MDN1: variants seen among roughly 807,000 people sequenced by gnomAD.
The protein encoded by MDN1 is midasin.
In MDN1, 266 loss-of-function variants were observed where a neutral mutation model predicts 669.2. The observed-to-expected ratio is 0.40, with a 90% confidence interval of 0.36 to 0.44. The LOEUF (loss-of-function observed/expected upper bound fraction) is 0.44. Among genes scored for constraint, MDN1 ranks in the 20% least tolerant of loss-of-function variants. The pLI is 1.00. For missense variants in MDN1, 5,940 were observed against 6,754.0 expected (o/e 0.88, Z 4.22); for synonymous variants, 2,385 against 2,457.1 (o/e 0.97, Z 0.87).
rs893247305 is a variant in MDN1 at position 89,674,184 on chromosome 6, C to T, written c.13167G>A (p.Glu4389=). The part of the protein sequence containing the change: ...LWQQSTTRLT[E]MLKTIKTVKA... ...TCACTGTTTTAATGGTTTTTAGCAT[C>T]TCTGTTAATCTCGTAGTTGACTGTT... Residue 4389 remains glutamate, a synonymous_variant, in exon 79 of 102, where the codon GAG becomes GAA. Transcript: ENST00000369393. 1 of 1,614,092 alleles carries T rather than the reference C, an allele frequency of 6.2e-7. No individual in the cohort carries two copies. Among genetic ancestry groups the T allele is most frequent in the African/African-American group, 1.3e-5 (1 of 74,922 alleles).
intron 50 of MDN1, 138 bp from the exon 51 acceptor site, chr6:89,708,766 C>A (rs1813688420): frequency 1.1e-6 from 1 of 892,046 alleles, no homozygotes; most frequent in Admixed American, 2.3e-5. Flanking sequence ...CCAGTAAATA[C>A]CATGAGTTTC....
intron 11 of MDN1, among the ~76,000 whole-genome samples, chr6:89,779,058 A>G (rs1818510151): frequency 6.6e-6 from 1 of 151,990 alleles, no homozygotes; most frequent in African/African-American, 2.4e-5. Flanking sequence ...CAGGTTATTT[A>G]TAATACCTAA....
chr6:89,791,651 T>C (rs1819275211), intron 5 of MDN1, among the ~76,000 whole-genome samples: 2 of 152,118 alleles, frequency 1.3e-5, no homozygotes, highest in African/African-American at 4.8e-5. Flanking sequence ...GTAAGTTTAA[T>C]GAGAAAGAAT....
At chr6:89,703,369 A>AGGGG (rs113306279) in intron 53 of MDN1, among the ~76,000 whole-genome samples, 1 of 136,032 alleles carries the variant, frequency 7.4e-6, no homozygotes, top group Admixed American at 7.4e-5. Context: ...TGTATGGGGA[A>AGGGG]GGGGGGGGGG....
At chr6:89,675,133 T>A (rs896108756) in intron 78 of MDN1, among the ~76,000 whole-genome samples, 1 of 152,230 alleles carries the variant, frequency 6.6e-6, no homozygotes, top group African/African-American at 2.4e-5. Context: ...AGCCTAACTA[T>A]TGGCCCACAT....
chr6:89,684,606 T>C (rs1811877706), intron 71 of MDN1, among the ~76,000 whole-genome samples: 1 of 152,128 alleles, frequency 6.6e-6, no homozygotes, highest in Admixed American at 6.5e-5. Flanking sequence ...GAGACAGGCC[T>C]GGGCAAGACC....
chr6:89,734,691 A>AACGAGAGAGAGAGAGAGAGAGAG (rs1554188774), intron 33 of MDN1, among the ~76,000 whole-genome samples: 1 of 112,996 alleles, frequency 8.8e-6, no homozygotes, highest in East Asian at 3.4e-4. Flanking sequence ...AAAAAAAAAC[A>AACGAGAGAGAGAGAGAGAGAGAG]AGAGAGAGAG....
chr6:89,683,064 T>C (rs1359145559), intron 73 of MDN1, 68 bp downstream of exon 73: 1 of 1,503,548 alleles, frequency 6.7e-7, no homozygotes, highest in Non-Finnish European at 9.2e-7. Flanking sequence ...AGGCATGCCT[T>C]GCACATAAAA....
At chr6:89,665,599 C>G (rs186942604) in intron 84 of MDN1, among the ~76,000 whole-genome samples, 1 of 146,784 alleles carries the variant, frequency 6.8e-6, no homozygotes, top group Non-Finnish European at 1.5e-5. Flanking sequence ...CCCAGCTACT[C>G]GGGAGGCTGA....
chr6:89,698,720 C>G, intron 59 of MDN1, 145 bp downstream of exon 59: 2 of 764,256 alleles, frequency 2.6e-6, no homozygotes, highest in Non-Finnish European at 4.3e-6. Flanking sequence ...TGACAGTACA[C>G]TTATTTAACA....
chr6:89,815,348 CG>C (rs2128332923), intron 1 of MDN1: 1 of 466,644 alleles, frequency 2.1e-6, no homozygotes, highest in Non-Finnish European at 4.2e-6. Flanking sequence ...GCCATTATGG[CG>C]GAAGAGAGTG....
chr6:89,749,898 G>A (rs1816858847), intron 24 of MDN1, 147 bp from the exon 25 acceptor site: 1 of 658,064 alleles, frequency 1.5e-6, no homozygotes, highest in African/African-American at 1.8e-5. Flanking sequence ...AACAAATTAT[G>A]ACACTGCAGA....
chr6:89,747,203 A>C, intron 27 of MDN1, 126 bp downstream of exon 27: 1 of 1,103,716 alleles, frequency 9.1e-7, no homozygotes, highest in Non-Finnish European at 1.3e-6. Context: ...AACTGGAGGG[A>C]AACAGGCTCT....
At chr6:89,782,425 G>A (rs1481685999) in intron 9 of MDN1, among the ~76,000 whole-genome samples, 2 of 151,852 alleles carry the variant, frequency 1.3e-5, no homozygotes, top group Non-Finnish European at 2.9e-5. Context: ...GTGAAAACCT[G>A]TCTCTACAAA....
intron 17 of MDN1, 38 bp downstream of exon 17, chr6:89,761,607 C>T: frequency 7.0e-7 from 1 of 1,428,288 alleles, no homozygotes; most frequent in African/African-American, 1.4e-5. Flanking sequence ...TGCATAAAAT[C>T]AACGTTCCCA....
At chr6:89,725,860 C>A (rs1385419691) in intron 37 of MDN1, among the ~76,000 whole-genome samples, 3 of 150,860 alleles carry the variant, frequency 2.0e-5, no homozygotes, top group Non-Finnish European at 4.4e-5. Flanking sequence ...CAGGCATAAG[C>A]CACTGTACCT....
At chr6:89,714,808 G>A in intron 45 of MDN1, 57 bp from the exon 46 acceptor site, 1 of 1,432,878 alleles carries the variant, frequency 7.0e-7, no homozygotes, top group Non-Finnish European at 9.6e-7. Flanking sequence ...GCAACCAAAG[G>A]TGTAGCTCAG....
intron 33 of MDN1, among the ~76,000 whole-genome samples, chr6:89,733,717 C>T (rs1225397828): frequency 1.3e-5 from 2 of 149,448 alleles, no homozygotes; most frequent in Non-Finnish European, 3.0e-5. Context: ...AAATTAAATG[C>T]TATTTCAACA....
At chr6:89,723,873 G>A (rs1039848911) in intron 38 of MDN1, among the ~76,000 whole-genome samples, 5 of 152,136 alleles carry the variant, frequency 3.3e-5, no homozygotes, top group South Asian at 2.1e-4. Flanking sequence ...GGCCCAGTGC[G>A]GTGGCTCACA....
Sources: allele counts gnomAD v4.1 joint callset (sites outside exome capture counted in the v4.1 genomes callset), GRCh38; gene constraint gnomAD v4.1.1; transcripts MANE v1.5; gene names NCBI Gene and HGNC (gene_info 2026-07-23, HGNC 2026-07-21).